Variants in MRPL12 observed in about 807,000 individuals in gnomAD.
MRPL12 encodes mitochondrial ribosomal protein L12, also known as large ribosomal subunit protein bL12m.
MRPL12 carries 13 observed loss-of-function variants against 21.1 expected under a neutral mutation model. The ratio of observed to expected loss-of-function variants is 0.62; its 90% CI spans 0.40 to 0.98. The LOEUF (loss-of-function observed/expected upper bound fraction) is 0.98, where lower values mean the gene tolerates loss of function less well. Ranked by LOEUF, MRPL12 falls within the 50% of genes least tolerant of loss-of-function variation. MRPL12 has a pLI of 0.00. For missense variants in MRPL12, 251 were observed against 268.6 expected (o/e 0.93, Z 0.46); for synonymous variants, 126 against 115.3 (o/e 1.09, Z -0.60).
intron 2 of MRPL12, 85 bp downstream of exon 2, chr17:81,704,515 T>G: frequency 6.3e-7 from 1 of 1,580,764 alleles, no homozygotes; most frequent in Non-Finnish European, 8.7e-7. Flanking sequence ...GGGAGTTTGG[T>G]AAATTGTCAA....
chr17:81,704,885 C>T (rs191391368), intron 3 of MRPL12, among the ~76,000 whole-genome samples, 169 bp downstream of exon 3: 1 of 152,334 alleles, frequency 6.6e-6, no homozygotes, highest in East Asian at 1.9e-4. Flanking sequence ...CGGATGTGCA[C>T]GACTTTGCAT....
At chr17:81,706,728 A>G (rs539854110) in intron 3 of MRPL12, among the ~76,000 whole-genome samples, 178 bp from the exon 4 acceptor site, 1 of 152,288 alleles carries the variant, frequency 6.6e-6, no homozygotes, top group African/African-American at 2.4e-5. Flanking sequence ...AAAGAAAAGA[A>G]AAAGCACCAG....
intron 3 of MRPL12, 67 bp downstream of exon 3, chr17:81,704,783 T>C: frequency 1.5e-6 from 2 of 1,335,730 alleles, no homozygotes; most frequent in Non-Finnish European, 1.0e-6. Context: ...TGTGCCGTGG[T>C]CCCGTATCTC....
intron 1 of MRPL12, among the ~76,000 whole-genome samples, chr17:81,703,809 G>A (rs1318555441): frequency 1.3e-5 from 2 of 152,220 alleles, no homozygotes; most frequent in Non-Finnish European, 2.9e-5. Context: ...ACGATTCCCT[G>A]CTCCTCCCTT....
Position 81,703,435 on chromosome 17 carries a change from C to A in MRPL12, c.-67C>A. 2 of 1,364,416 alleles carry A rather than the reference C, an allele frequency of 1.5e-6. No homozygotes were observed. Among genetic ancestry groups the A allele is most frequent in the South Asian group, 1.4e-5 (1 of 71,872 alleles). 84.5% of individuals were successfully genotyped at this position (1,364,416 alleles called of 1,614,324 possible). ...GTTCCTCCCCAGCTCGAATGCCCGG[C>A]GGCCGAGGCGGCTAGAGCGTCGCCT... On this transcript the variant is annotated 5_prime_UTR_variant, in exon 1 of 5. Coordinates refer to ENST00000333676, the MANE Select transcript of MRPL12 (RefSeq NM_002949.4).
At position 81,703,476 on chromosome 17, in the gene MRPL12, C is replaced by T; in HGVS notation, c.-26C>T. The T allele has an allele frequency of 2.0e-6, 3 of 1,486,968 alleles. No homozygotes were observed. Among genetic ancestry groups the T allele is most frequent in the Non-Finnish European group, 2.7e-6 (3 of 1,124,328 alleles). 92.1% of individuals were successfully genotyped at this position (1,486,968 alleles called of 1,614,324 possible). A position where few individuals can be genotyped will look rare whatever the true frequency, so the allele number is the denominator to read the frequency against. Reference sequence around the variant, plus strand: ...AGCGTCGCCTCCTCCCGGGGAACCGCGTGTGACCTTCCAGCCCGCGGACCG... The same window carrying T: ...AGCGTCGCCTCCTCCCGGGGAACCGTGTGTGACCTTCCAGCCCGCGGACCG... On this transcript the variant is annotated 5_prime_UTR_variant, in exon 1 of 5. Transcript: ENST00000333676.
chr17:81,704,569 CCCT>C (rs1360888155), intron 2 of MRPL12, 61 bp from the exon 3 acceptor site: 13 of 1,590,462 alleles, frequency 8.2e-6, no homozygotes, highest in Non-Finnish European at 1.1e-5. Flanking sequence ...GGCTAGTTGC[CCCT>C]CCTCAGTAGG....
At chr17:81,705,521 T>C (rs1340248305) in intron 3 of MRPL12, among the ~76,000 whole-genome samples, 2 of 152,082 alleles carry the variant, frequency 1.3e-5, no homozygotes, top group African/African-American at 4.8e-5. Flanking sequence ...CAAGGTGGGC[T>C]TCAAAGAGGA....
intron 1 of MRPL12, 143 bp downstream of exon 1, chr17:81,703,718 C>A: frequency 2.6e-6 from 2 of 774,912 alleles, no homozygotes; most frequent in Non-Finnish European, 3.6e-6. Flanking sequence ...ATCGGGGGCG[C>A]GGGGAGGAGG....
Position 81,706,969 on chromosome 17 carries a change from G to A in MRPL12, c.409G>A (p.Ala137Thr), listed in dbSNP as rs752403095. The A allele has an allele frequency of 6.2e-6, 10 of 1,614,006 alleles. No individual in the cohort carries two copies. The highest frequency in any genetic ancestry group is 2.2e-5 in the East Asian group (1 of 44,900). The change falls in exon 4 of 5, where the codon GCG becomes ACG. Residue 137 changes from alanine to threonine, a missense_variant. Ala to Thr is a moderately conservative substitution (Grantham distance 58). Transcript: ENST00000333676. Reference protein sequence around the residue: ...RTHFTVRLTEAKPVDKVKLIK... With the variant: ...RTHFTVRLTETKPVDKVKLIK... ...ACATTTCACCGTCCGCCTGACCGAG[G>A]CGAAGCCCGTGGACAAAGTGAAGCT...
At chr17:81,703,776 G>C (rs1057390796) in intron 1 of MRPL12, among the ~76,000 whole-genome samples, 2 of 152,252 alleles carry the variant, frequency 1.3e-5, no homozygotes, top group Non-Finnish European at 2.9e-5. Flanking sequence ...GAAAGCGCCG[G>C]GGTCGGCCCC....
chr17:81,705,906 G>A (rs913306925), intron 3 of MRPL12, among the ~76,000 whole-genome samples: 1 of 152,226 alleles, frequency 6.6e-6, no homozygotes, highest in African/African-American at 2.4e-5. Flanking sequence ...TTAGATTCAG[G>A]CCGAGCGTTT....
At position 81,707,294 on chromosome 17, in the gene MRPL12, G is replaced by A. The variant is rs887214594; in HGVS notation, c.*54G>A. On this transcript the variant is annotated 3_prime_UTR_variant, in exon 5 of 5. Transcript: ENST00000333676. ...GGTCCTGGGCCCCGGGCGAGGTCCC[G>A]CCCTCCCGTGGTCACTGGCTCCGCC... 27 of 1,482,494 alleles carry A rather than the reference G, an allele frequency of 1.8e-5. No individual in the cohort carries two copies. The highest frequency in any genetic ancestry group is 8.6e-5 in the Admixed American group (4 of 46,552). 91.8% of individuals were successfully genotyped at this position (1,482,494 alleles called of 1,614,324 possible).
Position 81,704,398 on chromosome 17 carries a change from T to C in MRPL12, c.229T>C (p.Leu77=). 4.3e-6 allele frequency: 7 copies of C among 1,613,184 alleles called. No homozygotes were observed. Among genetic ancestry groups the C allele is most frequent in the Non-Finnish European group, 5.1e-6 (6 of 1,179,746 alleles). Residue 77 remains leucine, a synonymous_variant, in exon 2 of 5, where the codon TTG becomes CTG. Transcript: ENST00000333676. The stretch of plus-strand genomic sequence containing the variant: ...CCAGGACATCGCCAGCCTCACTCTC[T>C]TGGAAATCTCAGACCTCAACGAGCT... The part of the protein sequence containing the change: ...LVQDIASLTL[L]EISDLNELLK...
rs781053347 is a variant in MRPL12 at position 81,707,067 on chromosome 17, G to A, written c.480+27G>A. On this transcript the variant is annotated intron_variant, in intron 4 of 4. Coordinates refer to ENST00000333676, the MANE Select transcript of MRPL12 (RefSeq NM_002949.4). ...TCTGTGCCGCGGTGGGGGTTCCGAG[G>A]CAGGTTCCGTTGTGGTGGCCAGGGC... 52 of 1,613,844 alleles carry A rather than the reference G, an allele frequency of 3.2e-5. No homozygotes were observed. The South Asian group carries it at 4.4e-4, about 14-fold the overall frequency.
chr17:81,703,401 G>A lies in MRPL12; in HGVS notation c.-101G>A, dbSNP rs911533410. The A allele has an allele frequency of 4.0e-6, 4 of 1,011,474 alleles. No individual in the cohort carries two copies. The highest frequency in any genetic ancestry group is 3.2e-5 in the East Asian group (1 of 30,922). 62.7% of individuals were successfully genotyped at this position (1,011,474 alleles called of 1,614,324 possible). On this transcript the variant is annotated 5_prime_UTR_variant, in exon 1 of 5. Coordinates refer to ENST00000333676, the MANE Select transcript of MRPL12 (RefSeq NM_002949.4). ...GGCTCGAATGCCCGGCAGCCGTGGCGGCTAGAGCGTTCCTCCCCAGCTCGA... is the reference window on the plus strand; with the variant it reads ...GGCTCGAATGCCCGGCAGCCGTGGCAGCTAGAGCGTTCCTCCCCAGCTCGA...
At chr17:81,705,460 T>G (rs1386585202) in intron 3 of MRPL12, among the ~76,000 whole-genome samples, 1 of 150,044 alleles carries the variant, frequency 6.7e-6, no homozygotes, top group East Asian at 1.9e-4. Context: ...TTGTAAGCAT[T>G]GTGGGGAAAA....
chr17:81,704,348 AC>A lies in MRPL12; in HGVS notation c.186del (p.Lys63ArgfsTer24). ...CCCCTGGATAACGCCCCCAAGGAGTACCCCCCCAAGATACAGCAGCTGGTCC... is the reference window on the plus strand; with the variant it reads ...CCCCTGGATAACGCCCCCAAGGAGTACCCCCCAAGATACAGCAGCTGGTCC... ...GAPLDNAPKE[Y>X]PPKIQQLVQD... On this transcript the variant is annotated frameshift_variant, in exon 2 of 5. Coordinates refer to ENST00000333676, the MANE Select transcript of MRPL12 (RefSeq NM_002949.4). LOFTEE classifies it high-confidence loss of function. 4 of 1,612,596 alleles carry A rather than the reference AC, an allele frequency of 2.5e-6. No individual in the cohort carries two copies. The highest frequency in any genetic ancestry group is 2.5e-6 in the Non-Finnish European group (3 of 1,179,710).
intron 3 of MRPL12, among the ~76,000 whole-genome samples, chr17:81,706,340 G>C (rs1011467597): frequency 6.6e-6 from 1 of 151,914 alleles, no homozygotes; most frequent in Non-Finnish European, 1.5e-5. Flanking sequence ...CCCGCCTCCC[G>C]GGTTCAAGCA....
Sources: allele counts gnomAD v4.1 joint callset (sites outside exome capture counted in the v4.1 genomes callset), GRCh38; gene constraint gnomAD v4.1.1; transcripts MANE v1.5; gene names NCBI Gene and HGNC (gene_info 2026-07-23, HGNC 2026-07-21).